Variants in CPPED1 observed in about 807,000 individuals in gnomAD.
CPPED1 encodes calcineurin like phosphoesterase domain containing 1, also known as serine/threonine-protein phosphatase CPPED1.
Under a neutral mutation model 28.0 loss-of-function variants are expected in CPPED1, and 28 were observed. The ratio of observed to expected loss-of-function variants is 1.00; its 90% CI spans 0.74 to 1.37. The LOEUF (loss-of-function observed/expected upper bound fraction) is 1.37, where lower values mean the gene tolerates loss of function less well. Ranked by LOEUF, CPPED1 falls within the 40% of genes most tolerant of loss-of-function variation. CPPED1 has a pLI of 0.00. For synonymous variants in CPPED1, 198 were observed against 180.2 expected (o/e 1.10, Z -0.79); for missense variants, 504 against 416.5 (o/e 1.21, Z -1.83).
At position 12,778,958 on chromosome 16, in the gene CPPED1, C is replaced by A. The variant is rs563611854; in HGVS notation, c.289+2227G>T. On this transcript the variant is annotated intron_variant, in intron 2 of 3. Coordinates refer to ENST00000381774, the MANE Select transcript of CPPED1 (RefSeq NM_018340.3). The stretch of plus-strand genomic sequence containing the variant: ...CATTTATGAAGTCTTGACCAACTGG[C>A]GGGGCTGATCATAAAAACTATATCT... Among the ~76,000 whole-genome samples the A allele has an allele frequency of 1.3e-4, 20 of 152,224 alleles. No individual in the cohort carries two copies. The East Asian group carries it at 2.1e-3, about 16-fold the overall frequency.
chr16:12,671,543 G>A (rs1194105542), intron 3 of CPPED1, among the ~76,000 whole-genome samples: 1 of 152,194 alleles, frequency 6.6e-6, no homozygotes, highest in Admixed American at 6.5e-5. Flanking sequence ...TACCTGTGCT[G>A]GCAGGAACTG....
At position 12,709,066 on chromosome 16, in the gene CPPED1, G is replaced by A. The variant is rs1449697423; in HGVS notation, c.290-4017C>T. 6.6e-6 allele frequency among the ~76,000 whole-genome samples: 1 copy of A among 152,156 alleles called. No individual in the cohort carries two copies. Among genetic ancestry groups the A allele is most frequent in the Non-Finnish European group, 1.5e-5 (1 of 68,028 alleles). ...TTGCATTCCAGCCTGGGTGACAAGA[G>A]CAAAACTCTGTCTCAAAAATGTCCC... On this transcript the variant is annotated intron_variant, in intron 2 of 3. Coordinates refer to ENST00000381774, the MANE Select transcript of CPPED1 (RefSeq NM_018340.3). This position sits in a 1 kb window ranked among gnomAD's most constrained non-coding sequence, Gnocchi z 4.4.
intron 2 of CPPED1, among the ~76,000 whole-genome samples, chr16:12,729,943 C>T (rs970665142): frequency 1.3e-5 from 2 of 152,142 alleles, no homozygotes; most frequent in Admixed American, 6.6e-5. Context: ...CTCACTGCAA[C>T]CTCAACCTCC....
At chr16:12,735,577 T>TACA (rs1194976686) in intron 2 of CPPED1, among the ~76,000 whole-genome samples, 1 of 152,182 alleles carries the variant, frequency 6.6e-6, no homozygotes, top group African/African-American at 2.4e-5. Context: ...GTGCTGGGAT[T>TACA]ACAGGCACGA....
At chr16:12,734,103 T>C (rs1187888232) in intron 2 of CPPED1, among the ~76,000 whole-genome samples, 1 of 136,426 alleles carries the variant, frequency 7.3e-6, no homozygotes, top group Non-Finnish European at 1.5e-5. Flanking sequence ...CGAGTCATGC[T>C]CTGTCACCCA....
At chr16:12,774,934 C>A (rs941813466) in intron 2 of CPPED1, among the ~76,000 whole-genome samples, 1 of 152,142 alleles carries the variant, frequency 6.6e-6, no homozygotes, top group African/African-American at 2.4e-5. Flanking sequence ...AATCCTCTCG[C>A]CTCAGCCTCC....
chr16:12,671,280 A>G (rs925329554), intron 3 of CPPED1, among the ~76,000 whole-genome samples: 1 of 152,228 alleles, frequency 6.6e-6, no homozygotes, highest in African/African-American at 2.4e-5. Flanking sequence ...GCCCATGATT[A>G]GATTCCCTTA....
intron 1 of CPPED1, among the ~76,000 whole-genome samples, chr16:12,799,341 G>A (rs1278663394): frequency 6.6e-6 from 1 of 151,826 alleles, no homozygotes; most frequent in East Asian, 1.9e-4. Context: ...CGCCTCTCAG[G>A]TTCAAGTGAT....
intron 2 of CPPED1, among the ~76,000 whole-genome samples, chr16:12,765,967 G>C (rs2080435586): frequency 6.6e-6 from 1 of 151,990 alleles, no homozygotes; most frequent in Admixed American, 6.6e-5. Flanking sequence ...CCATCAAGGA[G>C]GCAAAATGTT....
chr16:12,680,691 C>G (rs1011179825), intron 3 of CPPED1, among the ~76,000 whole-genome samples: 2 of 152,170 alleles, frequency 1.3e-5, no homozygotes, highest in African/African-American at 2.4e-5. Context: ...AAGAGAGACA[C>G]TCTCAGGTTA....
In CPPED1 at chr16:12,703,426, C is replaced by T. The variant is rs1283461726; in HGVS notation, c.715+1198G>A. On this transcript the variant is annotated intron_variant, in intron 3 of 3. Coordinates refer to ENST00000381774, the MANE Select transcript of CPPED1 (RefSeq NM_018340.3). ...CACCTCACCAGAGGAAAACTGATCA[C>T]GTCCCGTGGCCTTGGGAAGCCAAGG... Among the ~76,000 whole-genome samples the T allele has an allele frequency of 3.9e-5, 6 of 152,218 alleles. No individual in the cohort carries two copies. In the East Asian group the frequency reaches 5.8e-4, roughly 15 times the overall value.
At chr16:12,731,303 G>A (rs1401895883) in intron 2 of CPPED1, among the ~76,000 whole-genome samples, 1 of 151,072 alleles carries the variant, frequency 6.6e-6, no homozygotes, top group Admixed American at 6.6e-5. Flanking sequence ...ACAGGCACCC[G>A]CCACCACGCC....
chr16:12,781,041 A>G (rs1053145879), intron 2 of CPPED1, 144 bp downstream of exon 2: 8 of 659,286 alleles, frequency 1.2e-5, no homozygotes, highest in Admixed American at 5.4e-5. Context: ...CTGATGTTCA[A>G]TGATACTGCA....
intron 2 of CPPED1, among the ~76,000 whole-genome samples, chr16:12,713,467 G>A (rs1239552757): frequency 6.6e-6 from 1 of 152,026 alleles, no homozygotes; most frequent in Non-Finnish European, 1.5e-5. Flanking sequence ...CTGGGTTCAT[G>A]CGATTCTCCT....
intron 3 of CPPED1, among the ~76,000 whole-genome samples, chr16:12,666,632 T>C (rs2079827288): frequency 6.6e-6 from 1 of 152,174 alleles, no homozygotes; most frequent in Non-Finnish European, 1.5e-5. Context: ...CTGAACCAGA[T>C]GTAGAAGAGA....
intron 1 of CPPED1, among the ~76,000 whole-genome samples, chr16:12,787,648 G>A (rs1596485626): frequency 6.6e-6 from 1 of 151,656 alleles, no homozygotes; most frequent in African/African-American, 2.4e-5. Flanking sequence ...CTCGTGATCT[G>A]CCCGTCTCAG....
intron 3 of CPPED1, among the ~76,000 whole-genome samples, chr16:12,697,955 C>A (rs1212368552): frequency 2.0e-5 from 3 of 151,976 alleles, no homozygotes; most frequent in Non-Finnish European, 4.4e-5. Flanking sequence ...TCTAAAAATA[C>A]AAAAATTAGC....
At chr16:12,760,446 A>G (rs2080402220) in intron 2 of CPPED1, 1 of 152,240 alleles carries the variant, frequency 6.6e-6, no homozygotes, top group Non-Finnish European at 1.5e-5. Flanking sequence ...CAAGATGGAC[A>G]TGGTGATCTC....
At chr16:12,803,509 C>T (rs2080673323) in intron 1 of CPPED1, among the ~76,000 whole-genome samples, 198 bp downstream of exon 1, 1 of 152,234 alleles carries the variant, frequency 6.6e-6, no homozygotes, top group African/African-American at 2.4e-5. Flanking sequence ...TAGACCAGAT[C>T]GCTCTCTCGG....
Sources: gnomAD v4.1 joint callset for allele counts (sites outside exome capture counted in the v4.1 genomes callset) on GRCh38, gnomAD v4.1.1 for gene constraint, Gnocchi (gnomAD v3.1) non-coding constraint, MANE v1.5 for transcripts, NCBI Gene and HGNC (gene_info 2026-07-23, HGNC 2026-07-21) for gene names.